CACNA1D: variants seen among roughly 807,000 people sequenced by gnomAD.
CACNA1D encodes the protein voltage-dependent L-type calcium channel subunit alpha-1D.
Under a neutral mutation model 257.1 loss-of-function variants are expected in CACNA1D, and 55 were observed. That is an observed-to-expected ratio of 0.21 (90% CI 0.17 to 0.27). CACNA1D has a LOEUF of 0.27. Ranked by LOEUF, CACNA1D falls within the 10% of genes least tolerant of loss-of-function variation. The pLI, the probability that CACNA1D is intolerant of heterozygous loss-of-function variation, is 1.00. For missense variants in CACNA1D, 1,876 were observed against 2,784.0 expected, an observed-to-expected ratio of 0.67 and a Z score of 7.34; for synonymous variants, 980 against 1,014.9, an observed-to-expected ratio of 0.97 and a Z score of 0.65.
At chr3:53,756,374 A>T (rs1258550299) in intron 29 of CACNA1D, among the ~76,000 whole-genome samples, 1 of 152,208 alleles carries the variant, frequency 6.6e-6, no homozygotes, top group East Asian at 1.9e-4. Context: ...AAGTAGACAG[A>T]GGGAGAAAAC....
chr3:53,607,708 T>A (rs1305905274), intron 3 of CACNA1D, among the ~76,000 whole-genome samples: 1 of 152,244 alleles, frequency 6.6e-6, no homozygotes, highest in Non-Finnish European at 1.5e-5. Flanking sequence ...TTTGAGATAA[T>A]TTTATATAAG....
intron 20 of CACNA1D, among the ~76,000 whole-genome samples, chr3:53,736,251 G>A (rs971713317): frequency 6.6e-6 from 1 of 152,114 alleles, no homozygotes; most frequent in Admixed American, 6.5e-5. Context: ...TGAGGGAGGA[G>A]GATCGCTTGG....
chr3:53,681,977 GGAGATGAAGTCAGATGAAAGGAAA>G (rs1281056831), intron 8 of CACNA1D, among the ~76,000 whole-genome samples: 9 of 152,174 alleles, frequency 5.9e-5, no homozygotes, highest in Non-Finnish European at 1.0e-4. Context: ...TGGGAGAGCT[GGAGATGAAGTCAGATGAAAGGAAA>G]GAGACTGGCC....
intron 3 of CACNA1D, among the ~76,000 whole-genome samples, chr3:53,614,636 C>T (rs920663383): frequency 2.0e-5 from 3 of 152,168 alleles, no homozygotes; most frequent in East Asian, 1.9e-4. Flanking sequence ...GGCCCACATT[C>T]GTTTCACAGA....
At chr3:53,561,210 A>G (rs982420358) in intron 3 of CACNA1D, among the ~76,000 whole-genome samples, 1 of 152,176 alleles carries the variant, frequency 6.6e-6, no homozygotes, top group East Asian at 1.9e-4. Flanking sequence ...ACACTCTAGG[A>G]TGGCACAAAT....
chr3:53,794,672 A>G (rs1006665510), intron 40 of CACNA1D, among the ~76,000 whole-genome samples: 8 of 152,244 alleles, frequency 5.3e-5, no homozygotes, highest in Non-Finnish European at 1.2e-4. Context: ...TTACTGTCTT[A>G]GAAATTAAAA....
rs577904226 is a variant in CACNA1D at position 53,581,589 on chromosome 3, G to A, written c.484-69190G>A. Reference sequence around the variant, plus strand: ...TCAGGGCCTAGTGCACTATGAGACCGAGCAGGTATTTGTTAAATACTTAAT... The same window carrying A: ...TCAGGGCCTAGTGCACTATGAGACCAAGCAGGTATTTGTTAAATACTTAAT... On this transcript the variant is annotated intron_variant, in intron 3 of 47. Transcript: ENST00000350061. 2.6e-5 allele frequency among the ~76,000 whole-genome samples: 4 copies of A among 152,312 alleles called. No homozygotes were observed. In the South Asian group the frequency reaches 6.2e-4, roughly 24 times the overall value.
rs1413952414 is a variant in CACNA1D, at chr3:53,782,262, G to GTATATATATATA, written c.4792+596_4792+597insATATATATATAT. 216 of 41,926 alleles carry GTATATATATATA rather than the reference G, an allele frequency of 5.2e-3. 1 individual carries two copies. The highest frequency in any genetic ancestry group is 0.02 in the East Asian group (19 of 970). The allele number at this position is 41,926 out of a possible 1,614,324, so 2.6% of individuals were successfully genotyped here. A position where few individuals can be genotyped will look rare whatever the true frequency, so the allele number is the denominator to read the frequency against. On this transcript the variant is annotated intron_variant, in intron 39 of 47. Coordinates refer to ENST00000350061, the MANE Select transcript of CACNA1D (RefSeq NM_001128840.3). ...ACAGTGTGTGTGTGTGTGTGTGTGT[G>GTATATATATATA]TGTATATATATATATATATATATAT...
intron 3 of CACNA1D, among the ~76,000 whole-genome samples, chr3:53,633,314 C>T (rs548463340): frequency 3.5e-4 from 53 of 152,158 alleles, no homozygotes; most frequent in African/African-American, 1.3e-3. Context: ...GGCAATGTGG[C>T]GTAACCACAT....
chr3:53,735,730 G>T (rs1485555756), intron 20 of CACNA1D, among the ~76,000 whole-genome samples: 2 of 152,216 alleles, frequency 1.3e-5, no homozygotes, highest in Non-Finnish European at 2.9e-5. Flanking sequence ...TAAATACTCT[G>T]CAGGAACGGT....
intron 8 of CACNA1D, among the ~76,000 whole-genome samples, chr3:53,684,512 A>G (rs2094457616): frequency 6.6e-6 from 1 of 150,820 alleles, no homozygotes; most frequent in Admixed American, 6.7e-5. Context: ...GGTCCCAGCT[A>G]CTCTGGAGGC....
chr3:53,745,896 G>C (rs375764949), intron 25 of CACNA1D, 21 bp downstream of exon 25: 1 of 1,598,204 alleles, frequency 6.3e-7, no homozygotes, highest in East Asian at 2.2e-5. Flanking sequence ...TGAGAGTGGA[G>C]TAGGGGACTT....
intron 30 of CACNA1D, among the ~76,000 whole-genome samples, chr3:53,766,471 A>G (rs11719163): frequency 0.25 from 38,313 of 152,202 alleles, 6,382 homozygotes; most frequent in Non-Finnish European, 0.37. Context: ...TTTGCTTCCT[A>G]TCTGAATTAG....
intron 2 of CACNA1D, 101 bp downstream of exon 2, chr3:53,497,562 A>G (rs2090403011): frequency 3.3e-6 from 4 of 1,215,018 alleles, no homozygotes; most frequent in East Asian, 4.7e-5. Flanking sequence ...AGCAGTCTGG[A>G]ATGCGAGTAA....
At chr3:53,643,890 G>C (rs2093991096) in intron 3 of CACNA1D, among the ~76,000 whole-genome samples, 1 of 152,206 alleles carries the variant, frequency 6.6e-6, no homozygotes. Context: ...GGAGCAGGGA[G>C]GGCCATGATG....
At chr3:53,735,100 G>T (rs898216081) in intron 19 of CACNA1D, among the ~76,000 whole-genome samples, 4 of 152,252 alleles carry the variant, frequency 2.6e-5, no homozygotes, top group Non-Finnish European at 2.9e-5. Flanking sequence ...TCTTGAGGAA[G>T]ACAACAAGCC....
In CACNA1D at chr3:53,664,533, C is replaced by G. The variant is rs139431619; in HGVS notation, c.767-1127C>G. Among the ~76,000 whole-genome samples the G allele has an allele frequency of 2.3e-3, 356 of 152,376 alleles. 1 individual carries two copies. The highest frequency in any genetic ancestry group is 8.1e-3 in the African/African-American group (336 of 41,590). ...CAATCTACTTTTCTTTCGTGATTTT[C>G]TTTTCCACTAACCACCAATCAAGAC... is the stretch of plus-strand genomic sequence containing the variant. On this transcript the variant is annotated intron_variant, in intron 5 of 47. Coordinates refer to ENST00000350061, the MANE Select transcript of CACNA1D (RefSeq NM_001128840.3).
intron 3 of CACNA1D, among the ~76,000 whole-genome samples, chr3:53,552,445 A>G (rs1309917393): frequency 6.6e-6 from 1 of 152,034 alleles, no homozygotes; most frequent in Non-Finnish European, 1.5e-5. Context: ...CAATTGCACA[A>G]TCTCAGCTCA....
chr3:53,569,397 C>T (rs2092904782), intron 3 of CACNA1D, among the ~76,000 whole-genome samples: 1 of 152,224 alleles, frequency 6.6e-6, no homozygotes, highest in African/African-American at 2.4e-5. Flanking sequence ...TCTCTGTGCT[C>T]TCCACTAGAA....
Sources: gnomAD v4.1 joint callset for allele counts (sites outside exome capture counted in the v4.1 genomes callset) on GRCh38, gnomAD v4.1.1 for gene constraint, MANE v1.5 for transcripts, NCBI Gene and HGNC (gene_info 2026-07-23, HGNC 2026-07-21) for gene names.